SH3GL3: variants seen among roughly 807,000 people sequenced by gnomAD.
The protein encoded by SH3GL3 is endophilin-A3.
Under a neutral mutation model 47.7 loss-of-function variants are expected in SH3GL3, and 33 were observed. The observed-to-expected ratio is 0.69, with a 90% confidence interval of 0.52 to 0.92. The LOEUF (loss-of-function observed/expected upper bound fraction) is 0.92. Ranked by LOEUF, SH3GL3 falls within the 40% of genes least tolerant of loss-of-function variation. SH3GL3 has a pLI of 0.00. For missense variants in SH3GL3, 363 were observed against 417.8 expected, an observed-to-expected ratio of 0.87 and a Z score of 1.14; for synonymous variants, 155 against 148.8, an observed-to-expected ratio of 1.04 and a Z score of -0.30.
At chr15:83,470,282 C>T (rs536535490) in intron 1 of SH3GL3, among the ~76,000 whole-genome samples, 11 of 152,214 alleles carry the variant, frequency 7.2e-5, no homozygotes, top group Admixed American at 2.6e-4. Flanking sequence ...TGGAGCACAG[C>T]GGCGTGATCT....
intron 8 of SH3GL3, among the ~76,000 whole-genome samples, chr15:83,606,479 A>G (rs192014657): frequency 1.3e-5 from 2 of 152,356 alleles, no homozygotes; most frequent in Admixed American, 1.3e-4. Flanking sequence ...CGAAGAGGAA[A>G]TTAAAATTTC....
At chr15:83,555,360 T>C (rs2044892971) in intron 1 of SH3GL3, among the ~76,000 whole-genome samples, 1 of 152,226 alleles carries the variant, frequency 6.6e-6, no homozygotes, top group Non-Finnish European at 1.5e-5. Context: ...TAGAAGTGAA[T>C]TCATGTTATG....
chr15:83,457,904 G>T (rs1329979245), intron 1 of SH3GL3, among the ~76,000 whole-genome samples: 2 of 152,140 alleles, frequency 1.3e-5, no homozygotes, highest in African/African-American at 2.4e-5. Context: ...GTAACTCATG[G>T]TATCACTTGG....
intron 1 of SH3GL3, among the ~76,000 whole-genome samples, chr15:83,557,630 GA>G (rs1489935846): frequency 6.6e-6 from 1 of 152,244 alleles, no homozygotes; most frequent in East Asian, 1.9e-4. Flanking sequence ...TGATTCTGGG[GA>G]TGGACTGGTT....
intron 1 of SH3GL3, among the ~76,000 whole-genome samples, chr15:83,542,483 G>A (rs1004111169): frequency 6.6e-6 from 1 of 151,986 alleles, no homozygotes. Context: ...TAAGTTTTAG[G>A]ATTATTTTCT....
rs558429881 is a variant in SH3GL3 at position 83,585,255 on chromosome 15, G to A, written c.625-1728G>A. Among the ~76,000 whole-genome samples, 3 of 152,294 alleles carry A rather than the reference G, an allele frequency of 2.0e-5. No individual in the cohort carries two copies. The East Asian group carries it at 5.8e-4, about 29-fold the overall frequency. ...TTTCAGGATTCATTTCCTTCCCAAA[G>A]TCAGCCACCCAATGAGCAGTTACGA... On this transcript the variant is annotated intron_variant, in intron 6 of 8. Coordinates refer to ENST00000427482, the MANE Select transcript of SH3GL3 (RefSeq NM_003027.5).
intron 6 of SH3GL3, among the ~76,000 whole-genome samples, chr15:83,579,900 C>T (rs2059788419): frequency 6.6e-6 from 1 of 152,178 alleles, no homozygotes; most frequent in South Asian, 2.1e-4. Flanking sequence ...CTCCTGTTGA[C>T]CAGACAAGCT....
intron 5 of SH3GL3, among the ~76,000 whole-genome samples, chr15:83,574,584 T>A (rs996794652): frequency 1.3e-5 from 2 of 151,998 alleles, no homozygotes; most frequent in Admixed American, 6.6e-5. Flanking sequence ...TCCTGTCCAT[T>A]CTCCAGCCCA....
intron 1 of SH3GL3, among the ~76,000 whole-genome samples, chr15:83,456,529 C>A (rs1224951953): frequency 1.3e-5 from 1 of 78,854 alleles, no homozygotes; most frequent in Non-Finnish European, 2.6e-5. Context: ...TTTCTTAAGC[C>A]GGTCTGAAAA....
At chr15:83,576,218 T>C (rs2059672434) in intron 5 of SH3GL3, among the ~76,000 whole-genome samples, 1 of 152,202 alleles carries the variant, frequency 6.6e-6, no homozygotes, top group African/African-American at 2.4e-5. Flanking sequence ...CCTACTGTGT[T>C]TTGTTTGGTT....
intron 1 of SH3GL3, among the ~76,000 whole-genome samples, chr15:83,531,952 G>A (rs2043693879): frequency 6.6e-6 from 1 of 152,154 alleles, no homozygotes. Context: ...TATTTGGAAG[G>A]TGTTGATTGA....
chr15:83,605,722 A>C (rs1395252594), intron 8 of SH3GL3, among the ~76,000 whole-genome samples: 2 of 152,166 alleles, frequency 1.3e-5, no homozygotes, highest in Non-Finnish European at 1.5e-5. Flanking sequence ...TGCAGACAAA[A>C]TCCAACTCTA....
intron 1 of SH3GL3, among the ~76,000 whole-genome samples, chr15:83,484,045 AT>A (rs1221021707): frequency 6.6e-6 from 1 of 152,224 alleles, no homozygotes; most frequent in Non-Finnish European, 1.5e-5. Flanking sequence ...GGCTTACTAT[AT>A]CTTGATGCAA....
At chr15:83,544,892 A>G (rs1164823765) in intron 1 of SH3GL3, among the ~76,000 whole-genome samples, 6 of 152,176 alleles carry the variant, frequency 3.9e-5, no homozygotes, top group African/African-American at 1.4e-4. Context: ...GCTGCCAGAC[A>G]TAATGGAGAT....
At chr15:83,495,509 T>G (rs1596106099) in intron 1 of SH3GL3, among the ~76,000 whole-genome samples, 1 of 151,884 alleles carries the variant, frequency 6.6e-6, no homozygotes, top group Non-Finnish European at 1.5e-5. Flanking sequence ...CTGAGGTGGG[T>G]GAATCACTTG....
At chr15:83,621,221 C>T (rs1347319880), downstream of SH3GL3, among the ~76,000 whole-genome samples, 3 of 152,190 alleles carry the variant, frequency 2.0e-5, no homozygotes, top group South Asian at 2.1e-4. Context: ...TTTGCATTCA[C>T]GACTTAGCTA....
At chr15:83,619,368 T>A (rs921537767), downstream of SH3GL3, among the ~76,000 whole-genome samples, 2 of 152,124 alleles carry the variant, frequency 1.3e-5, no homozygotes, top group African/African-American at 4.8e-5. Flanking sequence ...AAAGTTGTGC[T>A]TACACATAGA....
chr15:83,510,229 C>A (rs1418716470), intron 1 of SH3GL3, among the ~76,000 whole-genome samples: 1 of 152,098 alleles, frequency 6.6e-6, no homozygotes, highest in Non-Finnish European at 1.5e-5. Flanking sequence ...TATAGAAATG[C>A]AGGATTGCTT....
chr15:83,500,702 T>C (rs990342441), intron 1 of SH3GL3, among the ~76,000 whole-genome samples: 13 of 152,226 alleles, frequency 8.5e-5, no homozygotes, highest in African/African-American at 2.7e-4. Flanking sequence ...TTCCAGGGAC[T>C]ACTCTGAGGT....
Sources: allele counts gnomAD v4.1 joint callset (sites outside exome capture counted in the v4.1 genomes callset), GRCh38; gene constraint gnomAD v4.1.1; transcripts MANE v1.5; gene names NCBI Gene and HGNC (gene_info 2026-07-23, HGNC 2026-07-21).